Variants in FAT3 observed in about 807,000 individuals in gnomAD.
FAT3 encodes FAT atypical cadherin 3.
FAT3 carries 95 observed loss-of-function variants against 310.2 expected under a neutral mutation model. The observed-to-expected ratio is 0.31, with a 90% confidence interval of 0.26 to 0.36. The LOEUF (loss-of-function observed/expected upper bound fraction) is 0.36, where lower values mean the gene tolerates loss of function less well. Ranked by LOEUF, FAT3 falls within the 10% of genes least tolerant of loss-of-function variation. FAT3 has a pLI of 1.00. For missense variants in FAT3, 5,408 were observed against 5,715.6 expected (o/e 0.95, Z 1.74); for synonymous variants, 2,314 against 2,192.9 (o/e 1.06, Z -1.54).
At chr11:92,551,444 G>GTGTGTGTGTGTT (rs1954818455) in intron 3 of FAT3, among the ~76,000 whole-genome samples, 2 of 151,142 alleles carry the variant, frequency 1.3e-5, no homozygotes, top group Admixed American at 6.6e-5. Flanking sequence ...GTGTGTGTGT[G>GTGTGTGTGTGTT]TTTTCTCATC....
At chr11:92,255,300 T>G (rs1394376445) in intron 1 of FAT3, among the ~76,000 whole-genome samples, 5 of 151,592 alleles carry the variant, frequency 3.3e-5, no homozygotes, top group Non-Finnish European at 7.4e-5. Flanking sequence ...TTTAAAAATG[T>G]TTTAATTAAT....
intron 1 of FAT3, among the ~76,000 whole-genome samples, chr11:92,228,820 G>A (rs1864029268): frequency 6.6e-6 from 1 of 152,236 alleles, no homozygotes; most frequent in African/African-American, 2.4e-5. Flanking sequence ...GGGCAAGAAG[G>A]AGAAAGATAG....
At chr11:92,672,637 C>A (rs1163290534) in intron 3 of FAT3, among the ~76,000 whole-genome samples, 2 of 152,098 alleles carry the variant, frequency 1.3e-5, no homozygotes, top group East Asian at 3.9e-4. Flanking sequence ...TACACAGATA[C>A]ACAGATTAAG....
In FAT3 at chr11:92,809,847, G is replaced by A; in HGVS notation, c.9252G>A (p.Glu3084=). The change falls in exon 13 of 28, where the codon GAG becomes GAA. Residue 3084 remains glutamate (E), a synonymous_variant. Coordinates refer to ENST00000525166, the MANE Select transcript of FAT3 (RefSeq NM_001367949.2). The part of the protein sequence containing the change: ...SEFFLDPESG[E]LKTLALLDRE... The stretch of plus-strand genomic sequence containing the variant: ...TGCTGCCATTTATTTTCACAGGCGA[G>A]TTAAAAACCTTGGCTCTGTTGGACC... 6.2e-7 allele frequency: 1 copy of A among 1,611,756 alleles called. No homozygotes were observed. The highest frequency in any genetic ancestry group is 8.5e-7 in the Non-Finnish European group (1 of 1,178,172).
intron 1 of FAT3, chr11:92,336,127 T>A (rs1268012812): frequency 3.8e-6 from 2 of 532,394 alleles, no homozygotes; most frequent in East Asian, 1.0e-4. Flanking sequence ...TTCACAAGCA[T>A]CTCAGCTCTG....
intron 3 of FAT3, among the ~76,000 whole-genome samples, chr11:92,527,840 GATAGATAC>G (rs1346552994): frequency 6.6e-6 from 1 of 152,062 alleles, no homozygotes; most frequent in African/African-American, 2.4e-5. Context: ...TAGATACATA[GATAGATAC>G]ATAGATACAT....
intron 1 of FAT3, among the ~76,000 whole-genome samples, chr11:92,331,192 T>C (rs1947914728): frequency 6.6e-6 from 1 of 152,180 alleles, no homozygotes; most frequent in African/African-American, 2.4e-5. Context: ...CAAGAGTAAT[T>C]TAACATGATT....
At chr11:92,600,196 C>A (rs924842836) in intron 3 of FAT3, among the ~76,000 whole-genome samples, 1 of 152,178 alleles carries the variant, frequency 6.6e-6, no homozygotes, top group Non-Finnish European at 1.5e-5. Context: ...CCCATGCAAT[C>A]CACTGTTGTG....
intron 24 of FAT3, among the ~76,000 whole-genome samples, chr11:92,884,009 T>G (rs1398471337): frequency 6.6e-6 from 1 of 152,116 alleles, no homozygotes; most frequent in African/African-American, 2.4e-5. Context: ...GGCTGGAATG[T>G]AGAGACCATG....
intron 1 of FAT3, among the ~76,000 whole-genome samples, chr11:92,347,627 C>T (rs1948452897): frequency 6.6e-6 from 1 of 152,090 alleles, no homozygotes; most frequent in African/African-American, 2.4e-5. Flanking sequence ...GGTATTTATT[C>T]ATCCATGGAA....
At chr11:92,381,279 G>T (rs1345598107) in intron 2 of FAT3, among the ~76,000 whole-genome samples, 1 of 152,194 alleles carries the variant, frequency 6.6e-6, no homozygotes, top group African/African-American at 2.4e-5. Context: ...GGAGGCCGAG[G>T]CAGGTGGATC....
intron 3 of FAT3, among the ~76,000 whole-genome samples, chr11:92,669,355 A>T (rs565345897): frequency 6.6e-6 from 1 of 152,362 alleles, no homozygotes; most frequent in South Asian, 2.1e-4. Flanking sequence ...ACACAGCTAT[A>T]GTGCAAATTG....
Position 92,697,378 on chromosome 11 carries a change from A to G in FAT3, c.3608-6A>G. 2 of 1,613,568 alleles carry G rather than the reference A, an allele frequency of 1.2e-6. No individual in the cohort carries two copies. The highest frequency in any genetic ancestry group is 1.1e-5 in the South Asian group (1 of 91,044). ...TTAAAAGTCAAATATTCTCATTTCT[A>G]CACAGGTCTGATTACAACAACTTCA... On this transcript the variant is annotated splice_polypyrimidine_tract_variant and splice_region_variant and intron_variant, in intron 3 of 27. Transcript: ENST00000525166.
chr11:92,652,523 T>G (rs1591567288), intron 3 of FAT3, among the ~76,000 whole-genome samples: 1 of 152,180 alleles, frequency 6.6e-6, no homozygotes, highest in African/African-American at 2.4e-5. Flanking sequence ...CAAACAAGGC[T>G]TTGATGAAAA....
intron 19 of FAT3, among the ~76,000 whole-genome samples, chr11:92,854,097 G>A (rs1948906115): frequency 1.3e-5 from 2 of 152,180 alleles, no homozygotes; most frequent in South Asian, 4.1e-4. Flanking sequence ...TCCCTCCCGT[G>A]CTCATCTATG....
intron 1 of FAT3, among the ~76,000 whole-genome samples, chr11:92,350,841 CTTCACG>C (rs1231173211): frequency 3.9e-5 from 6 of 152,262 alleles, no homozygotes; most frequent in African/African-American, 1.4e-4. Flanking sequence ...CTCCTCTCAT[CTTCACG>C]TTCCCTGTAA....
chr11:92,366,514 CT>C, intron 2 of FAT3: 2 of 477,590 alleles, frequency 4.2e-6, no homozygotes, highest in Non-Finnish European at 4.2e-6. Context: ...TGGCCTTACC[CT>C]CGGCAGCCGC....
In FAT3 at chr11:92,244,716, C is replaced by G. The variant is rs898811398; in HGVS notation, c.-18+19542C>G. On this transcript the variant is annotated intron_variant, in intron 1 of 27. Coordinates refer to ENST00000525166, the MANE Select transcript of FAT3 (RefSeq NM_001367949.2). ...GTCTCATAATTTCTGATTTAGTAGG[C>G]TTACGGTGGGGCTTAAAAATTGTAT... Among the ~76,000 whole-genome samples, 6 of 152,034 alleles carry G rather than the reference C, an allele frequency of 3.9e-5. 1 individual carries two copies. The highest frequency in any genetic ancestry group is 2.0e-4 in the Admixed American group (3 of 15,240).
chr11:92,285,115 A>G (rs1946526913), intron 1 of FAT3, among the ~76,000 whole-genome samples: 1 of 152,156 alleles, frequency 6.6e-6, no homozygotes. Context: ...TATCTAGAAT[A>G]TGAATTAGGG....
Sources: allele counts gnomAD v4.1 joint callset (sites outside exome capture counted in the v4.1 genomes callset), GRCh38; gene constraint gnomAD v4.1.1; transcripts MANE v1.5; gene names NCBI Gene and HGNC (gene_info 2026-07-23, HGNC 2026-07-21).